VPS13B: variants seen among roughly 807,000 people sequenced by gnomAD.
VPS13B encodes the protein vacuolar protein sorting 13 homolog B, also known as intermembrane lipid transfer protein VPS13B.
A neutral mutation model predicts 426.4 loss-of-function variants in VPS13B; 285 were observed. That is an observed-to-expected ratio of 0.67 (90% confidence interval 0.61 to 0.74). VPS13B has a LOEUF of 0.74. Ranked by LOEUF, VPS13B falls within the 30% of genes least tolerant of loss-of-function variation. VPS13B has a pLI of 0.00. For synonymous variants in VPS13B, 1,676 were observed against 1,676.4 expected (o/e 1.00, Z 0.01); for missense variants, 4,537 against 4,782.6 (o/e 0.95, Z 1.51).
intron 12 of VPS13B, 72 bp downstream of exon 12, chr8:99,136,824 G>A (rs1370877144): frequency 1.2e-5 from 17 of 1,432,222 alleles, no homozygotes; most frequent in Admixed American, 1.7e-5. Context: ...GAATCAATTG[G>A]TCCTTGACTG....
intron 57 of VPS13B, among the ~76,000 whole-genome samples, chr8:99,861,040 A>G (rs73703022): frequency 0.037 from 5,690 of 152,298 alleles, 350 homozygotes; most frequent in African/African-American, 0.13. Flanking sequence ...AAGCTGAAGT[A>G]TTTCTTTATA....
chr8:99,240,632 TC>T (rs1816875308), intron 17 of VPS13B, among the ~76,000 whole-genome samples: 1 of 152,234 alleles, frequency 6.6e-6, no homozygotes, highest in African/African-American at 2.4e-5. Flanking sequence ...GTTTGAAAAC[TC>T]TTTTTACATT....
intron 35 of VPS13B, among the ~76,000 whole-genome samples, chr8:99,699,310 G>A (rs1290389422): frequency 2.0e-5 from 3 of 151,996 alleles, no homozygotes; most frequent in Non-Finnish European, 4.4e-5. Flanking sequence ...GGCCAGGAAT[G>A]TAGGCATGTA....
chr8:99,619,598 A>G (rs571017270), intron 33 of VPS13B, among the ~76,000 whole-genome samples: 2 of 152,330 alleles, frequency 1.3e-5, no homozygotes, highest in Admixed American at 6.5e-5. Flanking sequence ...CTGGCCAGGT[A>G]TGGGAGTTTG....
intron 51 of VPS13B, 97 bp from the exon 52 acceptor site, chr8:99,832,267 AAAAAG>A (rs1159922818): frequency 4.5e-5 from 64 of 1,419,678 alleles, no homozygotes; most frequent in South Asian, 4.5e-4. Flanking sequence ...CTCAAAAAAA[AAAAAG>A]AAAAGAAAAG....
intron 35 of VPS13B, among the ~76,000 whole-genome samples, chr8:99,690,694 A>C (rs1265157635): frequency 6.6e-6 from 1 of 152,192 alleles, no homozygotes; most frequent in Non-Finnish European, 1.5e-5. Flanking sequence ...AAATTTAAAA[A>C]TGAGCAAAGG....
chr8:99,679,979 AG>A (rs1217635909), intron 35 of VPS13B, among the ~76,000 whole-genome samples: 1 of 152,174 alleles, frequency 6.6e-6, no homozygotes, highest in African/African-American at 2.4e-5. Flanking sequence ...GCATTTACTA[AG>A]ATGGTGAATA....
chr8:99,445,732 CCA>C (rs1388098685), intron 23 of VPS13B, among the ~76,000 whole-genome samples: 1 of 151,936 alleles, frequency 6.6e-6, no homozygotes, highest in Non-Finnish European at 1.5e-5. Flanking sequence ...TATTTACTCT[CCA>C]TCTGAACAAT....
chr8:99,811,446 T>C (rs1813694574), intron 44 of VPS13B, among the ~76,000 whole-genome samples: 1 of 152,282 alleles, frequency 6.6e-6, no homozygotes, highest in East Asian at 1.9e-4. Flanking sequence ...CTGGAGGGCT[T>C]GTTAAAACAC....
chr8:99,536,894 A>T, intron 30 of VPS13B: 1 of 466,760 alleles, frequency 2.1e-6, no homozygotes, highest in Non-Finnish European at 4.5e-6. Flanking sequence ...TAGGGAAAAA[A>T]AGTAACATGC....
chr8:99,076,609 T>C, intron 3 of VPS13B, among the ~76,000 whole-genome samples: 1 of 84,126 alleles, frequency 1.2e-5, no homozygotes, highest in South Asian at 5.6e-4. Context: ...TTAATGACTT[T>C]GTCTTTTTTT....
rs186282651 is a variant in VPS13B, at chr8:99,036,355, A to G, written c.148-2068A>G. Among the ~76,000 whole-genome samples, 7 of 152,328 alleles carry G rather than the reference A, an allele frequency of 4.6e-5. No individual in the cohort carries two copies. The East Asian group carries it at 1.2e-3, about 25-fold the overall frequency. The stretch of plus-strand genomic sequence containing the variant: ...ATGCATTTTACATGATGTATTAACT[A>G]AAAGTTATACATAAATAAAGTATTT... On this transcript the variant is annotated intron_variant, in intron 2 of 61. Transcript: ENST00000357162.
At chr8:99,822,126 A>G (rs187999696) in intron 50 of VPS13B, among the ~76,000 whole-genome samples, 1 of 152,338 alleles carries the variant, frequency 6.6e-6, no homozygotes, top group Admixed American at 6.5e-5. Flanking sequence ...GTACAATATC[A>G]TAGTGTACCA....
chr8:99,298,186 C>A (rs572038802), intron 19 of VPS13B, among the ~76,000 whole-genome samples: 2 of 152,260 alleles, frequency 1.3e-5, no homozygotes, highest in Non-Finnish European at 2.9e-5. Context: ...TTGTCTATAT[C>A]ATAATTAATA....
At chr8:99,590,776 TAA>T (rs1371341143) in intron 33 of VPS13B, among the ~76,000 whole-genome samples, 1 of 152,182 alleles carries the variant, frequency 6.6e-6, no homozygotes, top group Non-Finnish European at 1.5e-5. Flanking sequence ...AATTTTAGAA[TAA>T]GTGTGATGTG....
At chr8:99,044,853 TACACACACAC>T (rs60056711) in intron 3 of VPS13B, among the ~76,000 whole-genome samples, 5,604 of 139,630 alleles carry the variant, frequency 0.04, 114 homozygotes, top group Non-Finnish European at 0.045. Context: ...TTCCATTTTA[TACACACACAC>T]ACACACACAC....
chr8:99,344,732 G>A (rs748139335), intron 19 of VPS13B, among the ~76,000 whole-genome samples: 19 of 151,022 alleles, frequency 1.3e-4, no homozygotes, highest in Non-Finnish European at 2.4e-4. Context: ...TTTCCAGTTA[G>A]TTTTTTTCTT....
At chr8:99,411,017 T>C (rs941245180) in intron 21 of VPS13B, among the ~76,000 whole-genome samples, 1 of 152,220 alleles carries the variant, frequency 6.6e-6, no homozygotes, top group East Asian at 1.9e-4. Context: ...AGTGTTGCAA[T>C]AAACATACGT....
intron 3 of VPS13B, among the ~76,000 whole-genome samples, chr8:99,058,195 A>G (rs1309140685): frequency 6.6e-6 from 1 of 151,984 alleles, no homozygotes; most frequent in African/African-American, 2.4e-5. Context: ...AATTTTCCAG[A>G]GGTTATGTAT....
Sources: gnomAD v4.1 joint callset for allele counts (sites outside exome capture counted in the v4.1 genomes callset) on GRCh38, gnomAD v4.1.1 for gene constraint, MANE v1.5 for transcripts, NCBI Gene and HGNC (gene_info 2026-07-23, HGNC 2026-07-21) for gene names.